CCDC120: variants seen among roughly 807,000 people sequenced by gnomAD.
CCDC120 encodes coiled-coil domain-containing protein 120.
CCDC120 carries 16 observed loss-of-function variants against 37.6 expected under a neutral mutation model. That is an observed-to-expected ratio of 0.43 (90% confidence interval 0.29 to 0.65). CCDC120 has a LOEUF of 0.65. Ranked by LOEUF, CCDC120 falls within the 30% of genes least tolerant of loss-of-function variation. The pLI is 0.18. For synonymous variants in CCDC120, 309 were observed against 275.4 expected (o/e 1.12, Z -1.21); for missense variants, 650 against 657.4 (o/e 0.99, Z 0.12).
upstream of CCDC120, among the ~76,000 whole-genome samples, chrX:49,056,455 C>T (rs1240936450): frequency 8.3e-5 from 9 of 108,498 alleles, no homozygotes; most frequent in African/African-American, 1.0e-4. Flanking sequence ...GGTGAAACCC[C>T]GTCTCTACTA....
chrX:49,063,761 C>T, intron 4 of CCDC120, 100 bp from the exon 5 acceptor site: 1 of 958,780 alleles, frequency 1.0e-6, no homozygotes, highest in Non-Finnish European at 1.4e-6. Context: ...TGAGCAGGGC[C>T]AGGCTCCTGG....
chrX:49,065,974 G>T (rs1310531934), intron 9 of CCDC120, 129 bp downstream of exon 9: 7 of 636,486 alleles, frequency 1.1e-5, no homozygotes, highest in East Asian at 3.7e-5. Flanking sequence ...TGTAATCCCA[G>T]CACTTTCGGA....
At position 49,067,720 on chromosome X, in the gene CCDC120, C is replaced by T. The variant is rs999637666; in HGVS notation, c.1606C>T (p.Leu536Phe). 4 of 1,194,535 alleles carry T rather than the reference C, an allele frequency of 3.3e-6. No homozygotes were observed. The African/African-American group carries it at 7.0e-5, about 21-fold the overall frequency. Residue 536 changes from leucine (L) to phenylalanine (F), a missense_variant, in exon 10 of 11, where the codon CTC becomes TTC. By Grantham distance (22) the Leu-to-Phe change is conservative. Coordinates refer to ENST00000603986, the MANE Select transcript of CCDC120 (RefSeq NM_001163321.4). ...VYAADSNSPL[L>F]RTKDPHTRAT... is the part of the protein sequence containing the mutation. ...TGCAGCTGACAGCAACAGCCCCCTC[C>T]TCCGCACCAAGGACCCCCACACCCG...
Position 49,067,708 on chromosome X carries a change from A to G in CCDC120, c.1594A>G (p.Asn532Asp). Reference sequence around the variant, plus strand: ...ACCACCTGTGTATGCAGCTGACAGCAACAGCCCCCTCCTCCGCACCAAGGA... The same window carrying G: ...ACCACCTGTGTATGCAGCTGACAGCGACAGCCCCCTCCTCCGCACCAAGGA... ...GPPPVYAADS[N>D]SPLLRTKDPH... Residue 532 changes from asparagine (N) to aspartate (D), a missense_variant, in exon 10 of 11, where the codon AAC becomes GAC. By Grantham distance (23) the Asn-to-Asp change is conservative. Coordinates refer to ENST00000603986, the MANE Select transcript of CCDC120 (RefSeq NM_001163321.4). 4 of 1,196,374 alleles carry G rather than the reference A, an allele frequency of 3.3e-6. No individual in the cohort carries two copies. The highest frequency in any genetic ancestry group is 4.5e-6 in the Non-Finnish European group (4 of 885,230).
At chrX:49,055,882 C>G (rs1225151598), upstream of CCDC120, among the ~76,000 whole-genome samples, 2 of 111,991 alleles carry the variant, frequency 1.8e-5, no homozygotes, top group Non-Finnish European at 3.8e-5. Flanking sequence ...ACAGTGAAAC[C>G]TACCAAGTTA....
chrX:49,068,131 G>A (rs907707119), intron 10 of CCDC120, 41 bp downstream of exon 10: 99 of 1,142,604 alleles, frequency 8.7e-5, no homozygotes, highest in Non-Finnish European at 1.1e-4. Flanking sequence ...GGTCTCGTAA[G>A]GCAGATGGCG....
chrX:49,067,472 C>A lies in CCDC120; in HGVS notation c.1358C>A (p.Pro453His), dbSNP rs1331551956. 4 of 1,174,806 alleles carry A rather than the reference C, an allele frequency of 3.4e-6. No individual in the cohort carries two copies. The highest frequency in any genetic ancestry group is 4.6e-6 in the Non-Finnish European group (4 of 876,466). The change falls in exon 10 of 11, where the codon CCC becomes CAC. Residue 453 changes from proline to histidine, a missense_variant. Physicochemically the swap from Pro to His is moderately conservative, Grantham distance 77. Coordinates refer to ENST00000603986, the MANE Select transcript of CCDC120 (RefSeq NM_001163321.4). ...SSRTAGPPDP[P>H]RAARPSSAAP... ...CGCACAGCAGGCCCCCCAGACCCTC[C>A]CCGGGCCGCCCGGCCTAGCTCAGCT...
At chrX:49,061,781 T>C in intron 1 of CCDC120, 178 bp from the exon 2 acceptor site, 1 of 464,201 alleles carries the variant, frequency 2.2e-6, no homozygotes, top group Non-Finnish European at 3.5e-6. Context: ...TATGGGCCAG[T>C]TATTTCACCT....
chrX:49,067,947 G>A lies in CCDC120; in HGVS notation c.1833G>A (p.Arg611=). 1 of 1,146,734 alleles carries A rather than the reference G, an allele frequency of 8.7e-7. No homozygotes were observed. The highest frequency in any genetic ancestry group is 1.2e-6 in the Non-Finnish European group (1 of 860,971). The allele number at this position is 1,146,734 out of a possible 1,213,427, so 94.5% of individuals were successfully genotyped here. A position where few individuals can be genotyped will look rare whatever the true frequency, so the allele number is the denominator to read the frequency against. The change falls in exon 10 of 11, where the codon CGG becomes CGA. Residue 611 remains arginine (R), a synonymous_variant. Coordinates refer to ENST00000603986, the MANE Select transcript of CCDC120 (RefSeq NM_001163321.4). ...GACTGGCTGCGGGGCCCCAGCGCCG[G>A]CCTGTGCTCCCTTCCGTGGGCCCGC... ...NSGLAAGPQR[R]PVLPSVGPPH...
In CCDC120 at chrX:49,065,589, A is replaced by T. The variant is rs1205624003; in HGVS notation, c.923A>T (p.Asp308Val). 1 of 1,210,105 alleles carries T rather than the reference A, an allele frequency of 8.3e-7. No homozygotes were observed. Among genetic ancestry groups the T allele is most frequent in the Non-Finnish European group, 1.1e-6 (1 of 894,921 alleles). ...CCACCTCCATCAGATCTTTATGGGGATCTGAAGAGCCGGCGGAACTCTGTG... is the reference window on the plus strand; with the variant it reads ...CCACCTCCATCAGATCTTTATGGGGTTCTGAAGAGCCGGCGGAACTCTGTG... Reference protein sequence around the residue: ...WKPPPSDLYGDLKSRRNSVAS... With the variant: ...WKPPPSDLYGVLKSRRNSVAS... The change falls in exon 8 of 11, where the codon GAT becomes GTT. Residue 308 changes from aspartate to valine, a missense_variant. This residue lies in a region of CCDC120 where 576 missense variants were observed against 565.3 expected (regional missense o/e 1.02). Transcript: ENST00000603986.
At position 49,062,601 on chromosome X, in the gene CCDC120, G is replaced by C; in HGVS notation, c.288G>C (p.Ala96=). The change falls in exon 4 of 11, where the codon GCG becomes GCC. Residue 96 remains alanine, a splice_region_variant and synonymous_variant. Coordinates refer to ENST00000603986, the MANE Select transcript of CCDC120 (RefSeq NM_001163321.4). ...TCCGCAAAGTGTGTCTCCAGGAGGC[G>C]GTGAGGGCCTGGCCCTAGGGGTATC... The part of the protein sequence containing the change: ...QELRKVCLQE[A]ELTGQLPPEC... 1.7e-6 allele frequency: 2 copies of C among 1,207,787 alleles called. No homozygotes were observed. The highest frequency in any genetic ancestry group is 2.2e-6 in the Non-Finnish European group (2 of 894,378).
intron 4 of CCDC120, 110 bp downstream of exon 4, chrX:49,062,711 C>CA (rs2064900467): frequency 7.5e-6 from 6 of 798,820 alleles, no homozygotes; most frequent in Non-Finnish European, 1.1e-5. Flanking sequence ...CTTGTCTTGG[C>CA]TGTAGATTCC....
At chrX:49,054,139 G>A (rs1193366957), upstream of CCDC120, among the ~76,000 whole-genome samples, 5 of 111,221 alleles carry the variant, frequency 4.5e-5, no homozygotes, top group African/African-American at 1.6e-4. Context: ...CCTAAATCCA[G>A]TCCTGACCCC....
At chrX:49,061,914 T>C in intron 1 of CCDC120, 45 bp from the exon 2 acceptor site, 1 of 1,087,638 alleles carries the variant, frequency 9.2e-7, no homozygotes, top group Non-Finnish European at 1.2e-6. Flanking sequence ...GTGTCCATTG[T>C]TGTTATAGTT....
chrX:49,065,701 G>T (rs2064945224), intron 8 of CCDC120, 46 bp from the exon 9 acceptor site: 1 of 1,185,294 alleles, frequency 8.4e-7, no homozygotes, highest in Admixed American at 2.4e-5. Context: ...CAGAGGGTCT[G>T]CTGGTGGGTA....
chrX:49,068,631 C>T lies in CCDC120; in HGVS notation c.2064C>T (p.Asp688=). 6.1e-6 allele frequency: 7 copies of T among 1,155,699 alleles called. No homozygotes were observed. Among genetic ancestry groups the T allele is most frequent in the Admixed American group, 2.7e-5 (1 of 37,021 alleles). Residue 688 remains aspartate, a synonymous_variant, in exon 11 of 11, where the codon GAC becomes GAT. Coordinates refer to ENST00000603986, the MANE Select transcript of CCDC120 (RefSeq NM_001163321.4). ...AGGGGGAGCAGTCCTCCAGTTCTGA[C>T]ACCCAGACCCCGGGGACACTGGTCT... ...TLEGEQSSSS[D]TQTPGTLV is the part of the protein sequence containing the mutation.
At chrX:49,066,527 A>G (rs1244766994) in intron 9 of CCDC120, 1 of 111,839 alleles carries the variant, frequency 8.9e-6, no homozygotes, top group Non-Finnish European at 1.9e-5. Context: ...AGGCACAGAA[A>G]GGTTAAGTAA....
In CCDC120 at chrX:49,068,676, CTTG is replaced by C; in HGVS notation, c.*22_*24del. The C allele has an allele frequency of 9.2e-7, 1 of 1,089,536 alleles. No individual in the cohort carries two copies. The highest frequency in any genetic ancestry group is 1.2e-6 in the Non-Finnish European group (1 of 833,404). 89.8% of individuals were successfully genotyped at this position (1,089,536 alleles called of 1,213,427 possible). ...TGGTCTGACCCCTTCTGATATGTCCCTTGTTGGCCTGGGCACGATTCCAATCTG... is the reference window on the plus strand; with the variant it reads ...TGGTCTGACCCCTTCTGATATGTCCCTTGGCCTGGGCACGATTCCAATCTG... On this transcript the variant is annotated 3_prime_UTR_variant, in exon 11 of 11. Coordinates refer to ENST00000603986, the MANE Select transcript of CCDC120 (RefSeq NM_001163321.4).
chrX:49,056,354 C>T (rs1337377151), upstream of CCDC120, among the ~76,000 whole-genome samples: 1 of 110,308 alleles, frequency 9.1e-6, no homozygotes, highest in Non-Finnish European at 1.9e-5. Context: ...TGAGGCCGGG[C>T]GCGGTGGCTC....
Sources: allele counts gnomAD v4.1 joint callset (sites outside exome capture counted in the v4.1 genomes callset), GRCh38; gene constraint gnomAD v4.1.1; regional missense constraint gnomAD v4.1.1; transcripts MANE v1.5; gene names NCBI Gene and HGNC (gene_info 2026-07-23, HGNC 2026-07-21).